Variants in NF1 observed in about 807,000 individuals in gnomAD.
NF1 encodes the protein neurofibromin.
In NF1, 122 loss-of-function variants were observed where a neutral mutation model predicts 325.7. That is an observed-to-expected ratio of 0.37 (90% CI 0.32 to 0.44). The LOEUF is 0.44. Ranked by LOEUF, NF1 falls within the 20% of genes least tolerant of loss-of-function variation. NF1 has a pLI of 1.00. For missense variants in NF1, 2,140 were observed against 3,415.4 expected, an observed-to-expected ratio of 0.63 and a Z score of 9.31; for synonymous variants, 1,091 against 1,186.0, an observed-to-expected ratio of 0.92 and a Z score of 1.65.
At chr17:31,214,300 T>C in intron 12 of NF1, 151 bp from the exon 13 acceptor site, 1 of 589,026 alleles carries the variant, frequency 1.7e-6, no homozygotes, top group Middle Eastern at 4.6e-4. Context: ...GACCTTATGC[T>C]TACTATTGAG....
chr17:31,340,225 ACTACT>A (rs2069781063), intron 46 of NF1: 1 of 446,908 alleles, frequency 2.2e-6, no homozygotes, highest in Non-Finnish European at 4.1e-6. Context: ...TACAAAAGAG[ACTACT>A]CTAGAAGAAT....
At chr17:31,335,273 A>ATTTT (rs1311865827) in intron 40 of NF1, among the ~76,000 whole-genome samples, 19 of 1,192 alleles carry the variant, frequency 0.016, no homozygotes, top group African/African-American at 0.021. Flanking sequence ...TCAAGGCATA[A>ATTTT]TTATATATAT....
At chr17:31,212,480 A>G (rs1332014645) in intron 12 of NF1, among the ~76,000 whole-genome samples, 1 of 152,228 alleles carries the variant, frequency 6.6e-6, no homozygotes, top group Non-Finnish European at 1.5e-5. Context: ...AGGCCAAGGC[A>G]AGTGGATCAC....
In NF1 at chr17:31,326,025, A is replaced by G; in HGVS notation, c.5041A>G (p.Asn1681Asp). The G allele has an allele frequency of 6.2e-7, 1 of 1,614,190 alleles. No homozygotes were observed. ...CAACGTCTCCGCAGTCTATATCTAT[A>G]ACTGTAACTCCTGGGTCAGGGAGTA... ...YDNVSAVYIY[N>D]CNSWVREYTK... The change falls in exon 37 of 58, where the codon AAC (asparagine) becomes GAC (aspartate). Residue 1681 changes from asparagine to aspartate, a missense_variant. Physicochemically the swap from Asn to Asp is conservative, Grantham distance 23. Transcript: ENST00000358273.
intron 36 of NF1, chr17:31,296,184 G>T (rs1567879711): frequency 1.2e-6 from 2 of 1,613,574 alleles, no homozygotes; most frequent in Non-Finnish European, 1.7e-6. Context: ...AGTCCAGATG[G>T]TAATGTAGAC....
intron 1 of NF1, among the ~76,000 whole-genome samples, chr17:31,118,188 ATTG>A (rs1914120680): frequency 6.6e-6 from 1 of 152,134 alleles, no homozygotes; most frequent in Admixed American, 6.5e-5. Flanking sequence ...AATTGTGGGA[ATTG>A]TTGCTTTCTT....
intron 51 of NF1, among the ~76,000 whole-genome samples, chr17:31,354,471 C>T (rs1044376040): frequency 8.5e-5 from 13 of 152,116 alleles, no homozygotes; most frequent in East Asian, 1.9e-4. Context: ...CGATTGGAAA[C>T]GACTGTATGC....
intron 1 of NF1, among the ~76,000 whole-genome samples, chr17:31,125,982 C>T (rs1201107253): frequency 3.9e-5 from 6 of 152,092 alleles, no homozygotes; most frequent in African/African-American, 9.7e-5. Context: ...TACACCTGTT[C>T]AAGGCCAGCC....
intron 30 of NF1, 46 bp from the exon 31 acceptor site, chr17:31,252,892 A>G (rs2067519991): frequency 1.4e-6 from 2 of 1,464,448 alleles, no homozygotes; most frequent in Non-Finnish European, 1.9e-6. Context: ...TTGTTGCTGT[A>G]TGTAGTCGGT....
At chr17:31,346,818 C>CTTTTTTTTTTTTT (rs59155043) in intron 48 of NF1, among the ~76,000 whole-genome samples, 1 of 108,220 alleles carries the variant, frequency 9.2e-6, no homozygotes, top group African/African-American at 3.6e-5. Flanking sequence ...AAGAATTTGG[C>CTTTTTTTTTTTTT]TTTTTTTTTT....
intron 5 of NF1, among the ~76,000 whole-genome samples, chr17:31,178,378 T>C (rs1381818974): frequency 6.6e-6 from 1 of 152,110 alleles, no homozygotes; most frequent in Non-Finnish European, 1.5e-5. Context: ...GCACTAAGCA[T>C]GGAAAGGAAC....
intron 1 of NF1, among the ~76,000 whole-genome samples, chr17:31,155,029 A>G (rs892307368): frequency 1.3e-5 from 2 of 152,036 alleles, no homozygotes; most frequent in East Asian, 1.9e-4. Context: ...TGCCCAGCCT[A>G]TTTAGTATTT....
chr17:31,347,385 ATTCT>A (rs1398050962), intron 48 of NF1, among the ~76,000 whole-genome samples: 1 of 152,240 alleles, frequency 6.6e-6, no homozygotes. Context: ...GAGAAAACAA[ATTCT>A]TTATTTTTTT....
chr17:31,319,731 G>GT (rs2069128528), intron 36 of NF1, among the ~76,000 whole-genome samples: 1 of 141,792 alleles, frequency 7.1e-6, no homozygotes, highest in Non-Finnish European at 1.5e-5. Flanking sequence ...AGGCATACCA[G>GT]TTTTCTCAAC....
intron 11 of NF1, among the ~76,000 whole-genome samples, chr17:31,201,736 TA>T (rs934305624): frequency 3.3e-5 from 5 of 152,298 alleles, no homozygotes; most frequent in South Asian, 2.1e-4. Context: ...AGATTAAATC[TA>T]AAACGTTTTA....
At position 31,261,759 on chromosome 17, in the gene NF1, TC is replaced by T. The variant is rs1131691088; in HGVS notation, c.4627del (p.Ala1544HisfsTer30). Reference sequence around the variant, plus strand: ...GACCTTTTGATAAGATGGCAACACTTCTTGCATACCTGGGTCCTCCAGAGCA... The same window carrying T: ...GACCTTTTGATAAGATGGCAACACTTTTGCATACCTGGGTCCTCCAGAGCA... The part of the protein sequence containing the change: ...RRPFDKMATL[L>X]AYLGPPEHKP... On this transcript the variant is annotated frameshift_variant, in exon 35 of 58. Coordinates refer to ENST00000358273, the MANE Select transcript of NF1 (RefSeq NM_001042492.3). LOFTEE classifies it high-confidence loss of function. 6.2e-7 allele frequency: 1 copy of T among 1,612,356 alleles called. No homozygotes were observed. The highest frequency in any genetic ancestry group is 8.5e-7 in the Non-Finnish European group (1 of 1,179,978).
intron 1 of NF1, among the ~76,000 whole-genome samples, chr17:31,114,670 A>G (rs1018478399): frequency 2.0e-5 from 3 of 151,720 alleles, no homozygotes; most frequent in Non-Finnish European, 2.9e-5. Context: ...CCTGGCCAAC[A>G]TAGTAAAACC....
At chr17:31,314,057 A>G (rs1230014062) in intron 36 of NF1, 2 of 398,014 alleles carry the variant, frequency 5.0e-6, no homozygotes, top group Non-Finnish European at 8.9e-6. Flanking sequence ...AAGAAAGGAA[A>G]ATGGGTGGTT....
rs374737074 is a variant in NF1 at position 31,148,605 on chromosome 17, A to G, written c.61-7378A>G. The stretch of plus-strand genomic sequence containing the variant: ...TGTTTTTTAAAGTACAAAATAAAAT[A>G]TCTTGACTTCATATAGATACTTCTA... On this transcript the variant is annotated intron_variant, in intron 1 of 57. Coordinates refer to ENST00000358273, the MANE Select transcript of NF1 (RefSeq NM_001042492.3). Among the ~76,000 whole-genome samples the G allele has an allele frequency of 2.2e-4, 34 of 152,274 alleles. No homozygotes were observed. The East Asian group carries it at 3.1e-3, about 14-fold the overall frequency.
Sources: gnomAD v4.1 joint callset for allele counts (sites outside exome capture counted in the v4.1 genomes callset) on GRCh38, gnomAD v4.1.1 for gene constraint, MANE v1.5 for transcripts, NCBI Gene and HGNC (gene_info 2026-07-23, HGNC 2026-07-21) for gene names.